Variants in ZSCAN18 observed in about 807,000 individuals in gnomAD.
The protein encoded by ZSCAN18 is zinc finger and SCAN domain-containing protein 18.
ZSCAN18 carries 16 observed loss-of-function variants against 31.1 expected under a neutral mutation model. The observed-to-expected ratio is 0.51, with a 90% CI of 0.35 to 0.78. The LOEUF is 0.78. Ranked by LOEUF, ZSCAN18 falls within the 30% of genes least tolerant of loss-of-function variation. The pLI, the probability that ZSCAN18 is intolerant of heterozygous loss-of-function variation, is 0.01. For synonymous variants in ZSCAN18, 375 were observed against 320.7 expected (o/e 1.17, Z -1.81); for missense variants, 731 against 697.4 (o/e 1.05, Z -0.54).
chr19:58,085,512 T>G, intron 6 of ZSCAN18, 133 bp from the exon 7 acceptor site: 1 of 777,892 alleles, frequency 1.3e-6, no homozygotes, highest in South Asian at 1.9e-5. Context: ...CACGGCTGTT[T>G]GGAAGCAGCG....
At position 58,089,941 on chromosome 19, in the gene ZSCAN18, C is replaced by T. The variant is rs778350098; in HGVS notation, c.327G>A (p.Val109=). The change falls in exon 2 of 7, where the codon GTG becomes GTA. Residue 109 remains valine, a synonymous_variant. Transcript: ENST00000601144. ...GILPDKVRPW[V]VAQYPESCKK... is the part of the protein sequence containing the mutation. ...TGCAGCTCTCAGGGTACTGTGCCAC[C>T]ACCCAGGGCCGGACCTTATCAGGCA... 6.2e-7 allele frequency: 1 copy of T among 1,614,068 alleles called. No homozygotes were observed. Among genetic ancestry groups the T allele is most frequent in the Admixed American group, 1.7e-5 (1 of 60,012 alleles).
At chr19:58,086,390 C>T (rs2074281016) in intron 5 of ZSCAN18, 124 bp from the exon 6 acceptor site, 1 of 748,634 alleles carries the variant, frequency 1.3e-6, no homozygotes, top group Non-Finnish European at 2.2e-6. Context: ...CTGGGACCCC[C>T]ACCAAGGCCA....
upstream of ZSCAN18, among the ~76,000 whole-genome samples, chr19:58,101,312 T>C (rs1216362628): frequency 1.4e-5 from 2 of 146,562 alleles, no homozygotes; most frequent in Admixed American, 1.4e-4. Context: ...TTTTTTTTTT[T>C]TTTTTTTTTT....
rs896153505 is a variant in ZSCAN18 at position 58,084,112 on chromosome 19, G to A, written c.*573C>T. 4 of 152,222 alleles carry A rather than the reference G, an allele frequency of 2.6e-5. No homozygotes were observed. The highest frequency in any genetic ancestry group is 9.7e-5 in the African/African-American group (4 of 41,436). The allele number at this position is 152,222 out of a possible 1,614,324, so 9.4% of individuals were successfully genotyped here. A position where few individuals can be genotyped will look rare whatever the true frequency, so the allele number is the denominator to read the frequency against. On this transcript the variant is annotated 3_prime_UTR_variant, in exon 7 of 7. Coordinates refer to ENST00000601144, the MANE Select transcript of ZSCAN18 (RefSeq NM_001145543.2). The surrounding 1 kb of genome is among the most constrained non-coding windows in gnomAD (Gnocchi z 4.5). ...TTTACTAAATGGGCTGGGACCCACG[G>A]TCTGAAAACCCTGCCTTAGGCTGCA...
intron 1 of ZSCAN18, among the ~76,000 whole-genome samples, chr19:58,096,409 A>T (rs2074521446): frequency 6.6e-6 from 1 of 152,184 alleles, no homozygotes; most frequent in Non-Finnish European, 1.5e-5. Flanking sequence ...CAAATGAAGC[A>T]ATCTGCACAA....
intron 5 of ZSCAN18, 56 bp from the exon 6 acceptor site, chr19:58,086,322 G>A (rs748671686): frequency 1.3e-6 from 2 of 1,523,816 alleles, no homozygotes; most frequent in Non-Finnish European, 1.8e-6. Context: ...GTGGCTGATG[G>A]GTGTTGTGTG....
rs753659519 is a variant in ZSCAN18 at position 58,090,079 on chromosome 19, G to A, written c.189C>T (p.Pro63=). The A allele has an allele frequency of 6.2e-7, 1 of 1,613,766 alleles. No individual in the cohort carries two copies. Among genetic ancestry groups the A allele is most frequent in the Non-Finnish European group, 8.5e-7 (1 of 1,179,908 alleles). The change falls in exon 2 of 7, where the codon CCC becomes CCT. Residue 63 remains proline (P), a synonymous_variant. Transcript: ENST00000601144. This position sits in a 1 kb window ranked among gnomAD's most constrained non-coding sequence, Gnocchi z 4.7. ...CATGCAGCCGGGCCAGGGTCTGGTG[G>A]GGCCCGGCAGCCTCCTGGTAGACAA... is the stretch of plus-strand genomic sequence containing the variant. The part of the protein sequence containing the change: ...REFVYQEAAG[P]HQTLARLHEL...
At chr19:58,091,846 G>C (rs973990170) in intron 1 of ZSCAN18, among the ~76,000 whole-genome samples, 7 of 152,266 alleles carry the variant, frequency 4.6e-5, no homozygotes, top group East Asian at 1.9e-4. Flanking sequence ...AAGGTCCACA[G>C]AGACAGCTGG....
In ZSCAN18 at chr19:58,085,398, C is replaced by T. The variant is rs970512219; in HGVS notation, c.839-19G>A. On this transcript the variant is annotated intron_variant, in intron 6 of 6. Coordinates refer to ENST00000601144, the MANE Select transcript of ZSCAN18 (RefSeq NM_001145543.2). Reference sequence around the variant, plus strand: ...CCGCCTTCTGGAACAAGGTCAGAGCCCTAGCGTGAGCGCCCCGCCCAGGGC... The same window carrying T: ...CCGCCTTCTGGAACAAGGTCAGAGCTCTAGCGTGAGCGCCCCGCCCAGGGC... 4 of 1,565,436 alleles carry T rather than the reference C, an allele frequency of 2.6e-6. No homozygotes were observed. In the African/African-American group the frequency reaches 4.1e-5, roughly 16 times the overall value.
rs573458842 is a variant in ZSCAN18, at chr19:58,109,214, C to G, written c.130+9053G>C. 5 of 1,231,654 alleles carry G rather than the reference C, an allele frequency of 4.1e-6. No individual in the cohort carries two copies. The East Asian group carries it at 1.6e-4, about 39-fold the overall frequency. 76.3% of individuals were successfully genotyped at this position (1,231,654 alleles called of 1,614,324 possible). A position where few individuals can be genotyped will look rare whatever the true frequency, so the allele number is the denominator to read the frequency against. ...AATGCAGATAAAACAGGAATCATCC[C>G]TGATGAACCTTTTTATTTTCACCAA... On this transcript the variant is annotated intron_variant, in intron 1 of 1. Coordinates refer to the ZSCAN18 transcript ENST00000595721.
upstream of ZSCAN18, chr19:58,098,475 G>C (rs1025822881): frequency 1.4e-6 from 1 of 693,116 alleles, no homozygotes; most frequent in African/African-American, 2.0e-5. Flanking sequence ...CAGAGACCCG[G>C]AGAAACAAAG....
Position 58,085,291 on chromosome 19 carries a change from G to A in ZSCAN18, c.927C>T (p.Pro309=). Residue 309 remains proline, a synonymous_variant, in exon 7 of 7, where the codon CCC becomes CCT. Coordinates refer to ENST00000601144, the MANE Select transcript of ZSCAN18 (RefSeq NM_001145543.2). ...GVLPELPTEA[P]PGDALADPPS... ...GGGGATCGGCAAGGGCGTCCCCAGG[G>A]GGCGCCTCCGTAGGCAGCTCAGGCA... The A allele has an allele frequency of 6.3e-7, 1 of 1,599,942 alleles. No individual in the cohort carries two copies. The highest frequency in any genetic ancestry group is 1.1e-5 in the South Asian group (1 of 90,778).
chr19:58,097,912 G>A (rs1277043912), intron 1 of ZSCAN18: 20 of 982,288 alleles, frequency 2.0e-5, no homozygotes, highest in Non-Finnish European at 2.4e-5. Context: ...CGGGGTGGGG[G>A]TTGCACTAGT....
chr19:58,099,419 A>G (rs1029702702), upstream of ZSCAN18, among the ~76,000 whole-genome samples: 17 of 152,206 alleles, frequency 1.1e-4, no homozygotes, highest in African/African-American at 3.9e-4. Context: ...TTGAAGTAGT[A>G]TGTATCAACA....
At chr19:58,098,286 A>G, upstream of ZSCAN18, 1 of 985,390 alleles carries the variant, frequency 1.0e-6, no homozygotes, top group Non-Finnish European at 1.2e-6. Context: ...GACTCCCACA[A>G]TGCCGCGAGG....
chr19:58,084,559 G>T lies in ZSCAN18; in HGVS notation c.*126C>A. ...GCTTAGCCTCAGGAGCGGATTCAGG[G>T]CACAGGCAGAGGACGTCCACAAACA... On this transcript the variant is annotated 3_prime_UTR_variant, in exon 7 of 7. Coordinates refer to ENST00000601144, the MANE Select transcript of ZSCAN18 (RefSeq NM_001145543.2). The surrounding 1 kb of genome is among the most constrained non-coding windows in gnomAD (Gnocchi z 4.5). The T allele has an allele frequency of 1.0e-6, 1 of 968,726 alleles. No homozygotes were observed. Among genetic ancestry groups the T allele is most frequent in the Non-Finnish European group, 1.4e-6 (1 of 698,788 alleles). The allele number at this position is 968,726 out of a possible 1,614,324, so 60.0% of individuals were successfully genotyped here.
intron 1 of ZSCAN18, among the ~76,000 whole-genome samples, chr19:58,096,656 C>T (rs577722221): frequency 6.6e-6 from 1 of 152,316 alleles, no homozygotes; most frequent in South Asian, 2.1e-4. Context: ...GCTCTCCATC[C>T]CACCACACTC....
intron 5 of ZSCAN18, chr19:58,086,586 G>C: frequency 2.1e-6 from 1 of 470,386 alleles, no homozygotes. Flanking sequence ...GTCTACAAAA[G>C]AGGAGACCCT....
At chr19:58,112,362 T>TACTCAAGGCTGGGCGTGGTG (rs1188734183) in intron 1 of ZSCAN18, among the ~76,000 whole-genome samples, 1 of 152,008 alleles carries the variant, frequency 6.6e-6, no homozygotes, top group African/African-American at 2.4e-5. Flanking sequence ...TTAAAAAACA[T>TACTCAAGGCTGGGCGTGGTG]ACTCAAGGCT....
Sources: allele counts gnomAD v4.1 joint callset (sites outside exome capture counted in the v4.1 genomes callset), GRCh38; gene constraint gnomAD v4.1.1; non-coding constraint Gnocchi (gnomAD v3.1); transcripts MANE v1.5; gene names NCBI Gene and HGNC (gene_info 2026-07-23, HGNC 2026-07-21).